NCSTN: variants seen among roughly 807,000 people sequenced by gnomAD.
The protein encoded by NCSTN is anterior pharynx-defective 2.
In NCSTN, 22 loss-of-function variants were observed where a neutral mutation model predicts 87.0. The observed-to-expected ratio is 0.25, with a 90% CI of 0.18 to 0.36. NCSTN has a LOEUF of 0.36. NCSTN is among the 10% of genes least tolerant of loss of function. The pLI is 1.00. For synonymous variants in NCSTN, 306 were observed against 327.1 expected (o/e 0.94, Z 0.69); for missense variants, 693 against 883.3 (o/e 0.78, Z 2.73).
intron 7 of NCSTN, 110 bp from the exon 8 acceptor site, chr1:160,351,944 G>T: frequency 6.6e-7 from 1 of 1,508,706 alleles, no homozygotes; most frequent in South Asian, 1.1e-5. Context: ...GGACTCCTGG[G>T]TTGTCTCCAT....
intron 16 of NCSTN, among the ~76,000 whole-genome samples, chr1:160,357,842 A>G (rs1297332151): frequency 6.6e-6 from 1 of 152,202 alleles, no homozygotes; most frequent in Non-Finnish European, 1.5e-5. Context: ...AGTCTAATGT[A>G]CCGAGCTCCT....
At chr1:160,354,853 A>C (rs1412070273) in intron 11 of NCSTN, among the ~76,000 whole-genome samples, 1 of 152,162 alleles carries the variant, frequency 6.6e-6, no homozygotes, top group Non-Finnish European at 1.5e-5. Context: ...CTTGGATAAC[A>C]GGGGACTTCT....
intron 13 of NCSTN, 76 bp from the exon 14 acceptor site, chr1:160,356,183 TG>T (rs2101909234): frequency 1.5e-6 from 2 of 1,312,750 alleles, no homozygotes; most frequent in Non-Finnish European, 1.1e-6. Context: ...GCCCCATGAC[TG>T]GGTCTCCACT....
intron 3 of NCSTN, 106 bp downstream of exon 3, chr1:160,349,228 TCAGGGGAGAGGG>T (rs1476355864): frequency 2.0e-5 from 29 of 1,473,772 alleles, no homozygotes; most frequent in Non-Finnish European, 2.6e-5. Context: ...CCTGGTCTGG[TCAGGGGAGAGGG>T]CAGGGTGGTC....
At position 160,358,379 on chromosome 1, in the gene NCSTN, A is replaced by C. The variant is rs1300409360; in HGVS notation, c.*108A>C. ...ACTGGAACCTCCCTGGGCCTGTCTC[A>C]GATTGGGATTAACATAAAAGAGTGG... On this transcript the variant is annotated 3_prime_UTR_variant, in exon 17 of 17. Coordinates refer to ENST00000294785, the MANE Select transcript of NCSTN (RefSeq NM_015331.3). 2.1e-6 allele frequency: 3 copies of C among 1,438,046 alleles called. No individual in the cohort carries two copies. The highest frequency in any genetic ancestry group is 2.9e-6 in the Non-Finnish European group (3 of 1,031,808). The allele number at this position is 1,438,046 out of a possible 1,614,324, so 89.1% of individuals were successfully genotyped here.
At position 160,354,304 on chromosome 1, in the gene NCSTN, G is replaced by C. The variant is rs1206774307; in HGVS notation, c.1352+14G>C. 2.5e-6 allele frequency: 4 copies of C among 1,613,656 alleles called. No homozygotes were observed. Among genetic ancestry groups the C allele is most frequent in the Non-Finnish European group, 3.4e-6 (4 of 1,179,622 alleles). ...CTTCCATAACAAGTAAGAATCACTT[G>C]GCCCTGCACCCTCTTCATTCTTGAA... On this transcript the variant is annotated intron_variant, in intron 11 of 16. Coordinates refer to ENST00000294785, the MANE Select transcript of NCSTN (RefSeq NM_015331.3).
In NCSTN at chr1:160,351,699, T is replaced by C. The variant is rs201298374; in HGVS notation, c.737T>C (p.Ile246Thr). The change falls in exon 7 of 17, where the codon ATC becomes ACC. Residue 246 changes from isoleucine (I) to threonine (T), a missense_variant. By Grantham distance (89) the Ile-to-Thr change is moderately conservative. Around this residue, in one of 4 missense-constraint regions of NCSTN, gnomAD observed 134 missense variants for 226.0 expected, o/e 0.59. Transcript: ENST00000294785. Reference protein sequence around the residue: ...IQSTFSINPEIVCDPLSDYNV... With the variant: ...IQSTFSINPETVCDPLSDYNV... ...TCATTGTTTGTGTCCTGCTTAGAAA[T>C]CGTCTGTGACCCCCTGTCTGATTAC... is the stretch of plus-strand genomic sequence containing the variant. 1.3e-6 allele frequency: 2 copies of C among 1,597,068 alleles called. No homozygotes were observed. The highest frequency in any genetic ancestry group is 2.2e-5 in the South Asian group (2 of 90,752).
intron 1 of NCSTN, 121 bp downstream of exon 1, chr1:160,343,602 CCT>C (rs1269422161): frequency 5.1e-6 from 5 of 978,600 alleles, no homozygotes; most frequent in East Asian, 2.6e-5. Flanking sequence ...CCCTGTAAAT[CCT>C]CTTTCTTTTT....
At chr1:160,356,162 G>A (rs1649119995) in intron 13 of NCSTN, 98 bp from the exon 14 acceptor site, 1 of 1,183,890 alleles carries the variant, frequency 8.4e-7, no homozygotes, top group Admixed American at 1.8e-5. Context: ...TATCTGGCCA[G>A]TCTGGTTCCT....
chr1:160,344,183 A>C (rs1345296638), intron 1 of NCSTN, among the ~76,000 whole-genome samples: 1 of 152,040 alleles, frequency 6.6e-6, no homozygotes, highest in Non-Finnish European at 1.5e-5. Context: ...CCCAATTCAC[A>C]TTGTTTTTAA....
rs1463308762 is a variant in NCSTN, at chr1:160,357,110, C to T, written c.1864C>T (p.Arg622Cys). ...NETDRLPRCV[R>C]STARLARALS... ...GACGGACCGACTCCCCCGGTGTGTG[C>T]GTTCTACTGCACGATTAGCCAGGGC... The change falls in exon 16 of 17, where the codon CGT (arginine) becomes TGT (cysteine). Residue 622 changes from arginine to cysteine, a missense_variant. Transcript: ENST00000294785. 1.9e-6 allele frequency: 3 copies of T among 1,614,096 alleles called. No homozygotes were observed. The highest frequency in any genetic ancestry group is 1.1e-5 in the South Asian group (1 of 91,074).
At chr1:160,343,649 C>A in intron 1 of NCSTN, 168 bp downstream of exon 1, 1 of 749,172 alleles carries the variant, frequency 1.3e-6, no homozygotes, top group South Asian at 1.5e-5. Flanking sequence ...TTTGCCTGGA[C>A]CTGAAGGTCC....
intron 7 of NCSTN, 94 bp from the exon 8 acceptor site, chr1:160,351,960 C>A: frequency 6.5e-7 from 1 of 1,543,852 alleles, no homozygotes; most frequent in Non-Finnish European, 8.9e-7. Flanking sequence ...TCCATTGCCA[C>A]AGGACAGGTA....
At chr1:160,357,391 C>A in intron 16 of NCSTN, 138 bp downstream of exon 16, 1 of 917,078 alleles carries the variant, frequency 1.1e-6, no homozygotes, top group Non-Finnish European at 1.7e-6. Context: ...CCCTGGTCAG[C>A]CAGCATGTTC....
Position 160,344,682 on chromosome 1 carries a change from GTC to G in NCSTN, c.86-35_86-34del, listed in dbSNP as rs751658844. On this transcript the variant is annotated intron_variant, in intron 1 of 16. Transcript: ENST00000294785. Reference sequence around the variant, plus strand: ...TGACACGATAGAAGCTAGTACCTGTGTCTCTCAAATTTTTCTAACACTTTTTA... The same window carrying G: ...TGACACGATAGAAGCTAGTACCTGTGTCTCAAATTTTTCTAACACTTTTTA... The G allele has an allele frequency of 3.1e-6, 5 of 1,608,942 alleles. No homozygotes were observed. In the African/African-American group the frequency reaches 6.7e-5, roughly 22 times the overall value.
intron 2 of NCSTN, among the ~76,000 whole-genome samples, chr1:160,346,527 C>G (rs1334655120): frequency 6.6e-6 from 1 of 152,094 alleles, no homozygotes; most frequent in African/African-American, 2.4e-5. Context: ...TTAATTGTCC[C>G]ATGTCCCTGC....
intron 7 of NCSTN, 62 bp downstream of exon 7, chr1:160,351,867 C>T: frequency 6.7e-7 from 1 of 1,486,242 alleles, no homozygotes; most frequent in East Asian, 2.3e-5. Context: ...GTAGGCCCCG[C>T]TCTAGCATAT....
chr1:160,357,185 A>C lies in NCSTN; in HGVS notation c.1939A>C (p.Thr647Pro). ...TCAGTGGAGCTCTACTGAATACTCTACATGGACTGAGAGCCGCTGGAAAGA... is the reference window on the plus strand; with the variant it reads ...TCAGTGGAGCTCTACTGAATACTCTCCATGGACTGAGAGCCGCTGGAAAGA... ...LSQWSSTEYSTWTESRWKDIR... is the reference protein window; with the variant it reads ...LSQWSSTEYSPWTESRWKDIR... The change falls in exon 16 of 17, where the codon ACA (threonine) becomes CCA (proline). Residue 647 changes from threonine to proline, a missense_variant. Coordinates refer to ENST00000294785, the MANE Select transcript of NCSTN (RefSeq NM_015331.3). 1 of 1,614,168 alleles carries C rather than the reference A, an allele frequency of 6.2e-7. No homozygotes were observed. The highest frequency in any genetic ancestry group is 8.5e-7 in the Non-Finnish European group (1 of 1,180,024).
Position 160,352,036 on chromosome 1 carries a change from T to A in NCSTN, c.844-18T>A. On this transcript the variant is annotated intron_variant, in intron 7 of 16. Coordinates refer to ENST00000294785, the MANE Select transcript of NCSTN (RefSeq NM_015331.3). ...TTTTAAAGTATATATCCCCTGACTT[T>A]TCTTCTGTTGTACCTAGCTGGATAG... is the stretch of plus-strand genomic sequence containing the variant. 1 of 1,613,992 alleles carries A rather than the reference T, an allele frequency of 6.2e-7. No individual in the cohort carries two copies.
Sources: gnomAD v4.1 joint callset for allele counts (sites outside exome capture counted in the v4.1 genomes callset) on GRCh38, gnomAD v4.1.1 for gene constraint, gnomAD v4.1.1 regional missense constraint, MANE v1.5 for transcripts, NCBI Gene and HGNC (gene_info 2026-07-23, HGNC 2026-07-21) for gene names.